Variants in DDHD1 observed in about 807,000 individuals in gnomAD.
The protein encoded by DDHD1 is phospholipase DDHD1.
DDHD1 carries 49 observed loss-of-function variants against 96.4 expected under a neutral mutation model. The ratio of observed to expected loss-of-function variants is 0.51; its 90% CI spans 0.40 to 0.64. The LOEUF is 0.64. DDHD1 is among the 30% of genes least tolerant of loss of function. DDHD1 has a pLI of 0.00. For missense variants in DDHD1, 1,106 were observed against 1,161.2 expected (o/e 0.95, Z 0.69); for synonymous variants, 442 against 446.5 (o/e 0.99, Z 0.13).
rs777812716 is a variant in DDHD1, at chr14:53,091,931, T to C, written c.1143A>G (p.Ala381=). ...TATGAAGTCTGGTACCACTACTTGA[T>C]GCTGTAGAAAAATTATAATTCTAAG... ...TVTQKLGFSK[A]SSSGTRLHRG... is the part of the protein sequence containing the mutation. Residue 381 remains alanine (A), a splice_region_variant and synonymous_variant, in exon 4 of 13, where the codon GCA becomes GCG. Transcript: ENST00000673822. 10 of 1,599,214 alleles carry C rather than the reference T, an allele frequency of 6.3e-6. No homozygotes were observed. The highest frequency in any genetic ancestry group is 8.5e-6 in the Non-Finnish European group (10 of 1,172,412).
intron 2 of DDHD1, among the ~76,000 whole-genome samples, chr14:53,095,365 G>C (rs1376909477): frequency 6.6e-6 from 1 of 152,092 alleles, no homozygotes; most frequent in East Asian, 1.9e-4. Context: ...TTAAAGATGG[G>C]CTGAAAATAA....
At chr14:53,133,670 G>C (rs1890034826) in intron 1 of DDHD1, among the ~76,000 whole-genome samples, 1 of 152,138 alleles carries the variant, frequency 6.6e-6, no homozygotes, top group African/African-American at 2.4e-5. Context: ...TTGAGCTCCT[G>C]TATGGACGCT....
intron 9 of DDHD1, among the ~76,000 whole-genome samples, chr14:53,057,926 C>T (rs759704820): frequency 1.3e-5 from 2 of 151,768 alleles, no homozygotes; most frequent in Admixed American, 6.6e-5. Flanking sequence ...CTCGGCTAAC[C>T]GCAACCTCTG....
At chr14:53,092,492 T>C (rs1192274528) in intron 3 of DDHD1, 1 of 152,208 alleles carries the variant, frequency 6.6e-6, no homozygotes, top group Non-Finnish European at 1.5e-5. Flanking sequence ...TTGATAATGC[T>C]CTCACATCTT....
intron 1 of DDHD1, among the ~76,000 whole-genome samples, chr14:53,121,258 A>G (rs142984701): frequency 0.034 from 5,109 of 152,274 alleles, 292 homozygotes; most frequent in African/African-American, 0.11. Flanking sequence ...TTAGAATAGC[A>G]ATTATTAAAA....
rs1882032331 is a variant in DDHD1, at chr14:53,046,690, A to G, written c.*78T>C. On this transcript the variant is annotated 3_prime_UTR_variant, in exon 13 of 13. Coordinates refer to ENST00000673822, the MANE Select transcript of DDHD1 (RefSeq NM_001160148.2). ...AACTGAAATATACTTTAACCCTGAA[A>G]TCTCCGTATCTTGACACACACATTT... The G allele has an allele frequency of 1.0e-6, 1 of 968,934 alleles. No homozygotes were observed. The highest frequency in any genetic ancestry group is 1.5e-6 in the Non-Finnish European group (1 of 684,970). The allele number at this position is 968,934 out of a possible 1,614,324, so 60.0% of individuals were successfully genotyped here.
At chr14:53,063,809 G>T (rs961391224) in intron 6 of DDHD1, among the ~76,000 whole-genome samples, 1 of 152,094 alleles carries the variant, frequency 6.6e-6, no homozygotes, top group African/African-American at 2.4e-5. Flanking sequence ...TGTTTTCTAT[G>T]TCTGGAAAGC....
intron 1 of DDHD1, among the ~76,000 whole-genome samples, chr14:53,136,297 G>C (rs1231409725): frequency 2.6e-5 from 4 of 152,118 alleles, no homozygotes; most frequent in African/African-American, 4.8e-5. Flanking sequence ...AACCTGTTTT[G>C]GTGGTCTCTT....
rs1224520431 is a variant in DDHD1, at chr14:53,037,639, T to C, written c.*9129A>G. On this transcript the variant is annotated 3_prime_UTR_variant, in exon 13 of 13. Transcript: ENST00000673822. Reference sequence around the variant, plus strand: ...TTATTGATTCTGGATGTCAGATCTTTGTTGGATGTCTAGTTTGCAAATATT... The same window carrying C: ...TTATTGATTCTGGATGTCAGATCTTCGTTGGATGTCTAGTTTGCAAATATT... 1 of 152,206 alleles carries C rather than the reference T, an allele frequency of 6.6e-6. No homozygotes were observed. The highest frequency in any genetic ancestry group is 2.4e-5 in the African/African-American group (1 of 41,458). 9.4% of individuals were successfully genotyped at this position (152,206 alleles called of 1,614,324 possible).
At position 53,152,686 on chromosome 14, in the gene DDHD1, C is replaced by A. The variant is rs1347924669; in HGVS notation, c.413G>T (p.Gly138Val). Residue 138 changes from glycine to valine, a missense_variant, in exon 1 of 13, where the codon GGG (glycine) becomes GTG (valine). Gly to Val is a moderately radical substitution (Grantham distance 109, BLOSUM62 -3). This residue lies in a region of DDHD1 where 456 missense variants were observed against 402.4 expected (regional missense o/e 1.13). Coordinates refer to ENST00000673822, the MANE Select transcript of DDHD1 (RefSeq NM_001160148.2). ...GGTACGTTTCCTTTCCCCGGGGGAC[C>A]CTCCTGTCGCGCCGCCGCCCCCCGA... ...TNSGGGGATG[G>V]SPGERKRTRL... 1 of 1,611,702 alleles carries A rather than the reference C, an allele frequency of 6.2e-7. No individual in the cohort carries two copies. Among genetic ancestry groups the A allele is most frequent in the Non-Finnish European group, 8.5e-7 (1 of 1,179,256 alleles).
chr14:53,086,638 G>A (rs370538174), intron 4 of DDHD1, among the ~76,000 whole-genome samples: 1 of 152,080 alleles, frequency 6.6e-6, no homozygotes, highest in East Asian at 1.9e-4. Context: ...CCTTACAAGA[G>A]CTCCTGAAGG....
chr14:53,137,572 A>C (rs1329292953), intron 1 of DDHD1, among the ~76,000 whole-genome samples: 1 of 152,102 alleles, frequency 6.6e-6, no homozygotes, highest in Non-Finnish European at 1.5e-5. Context: ...AGCCTGGGTG[A>C]CACAGTGAGA....
chr14:53,073,936 A>T (rs1359757128), intron 4 of DDHD1, 89 bp from the exon 5 acceptor site: 1 of 1,162,392 alleles, frequency 8.6e-7, no homozygotes, highest in Admixed American at 2.2e-5. Context: ...GTGTTTAATC[A>T]TAACACTTCC....
chr14:53,128,522 C>T (rs1889625711), intron 1 of DDHD1, among the ~76,000 whole-genome samples: 1 of 152,162 alleles, frequency 6.6e-6, no homozygotes. Context: ...CTTATCACTT[C>T]CCAAAGGCCC....
At chr14:53,067,723 T>C (rs367651499) in intron 6 of DDHD1, among the ~76,000 whole-genome samples, 3 of 152,166 alleles carry the variant, frequency 2.0e-5, no homozygotes, top group Non-Finnish European at 2.9e-5. Context: ...TCCCAAAGTG[T>C]TGGGATTACA....
In DDHD1 at chr14:53,121,922, T is replaced by TAAAA. The variant is rs10673927; in HGVS notation, c.839-18070_839-18067dup. On this transcript the variant is annotated intron_variant, in intron 1 of 12. Coordinates refer to ENST00000673822, the MANE Select transcript of DDHD1 (RefSeq NM_001160148.2). ...GTTCTGCGCATGTATCCCAGAACGT[T>TAAAA]AAAAAAAAAAAAAGGGCAAATGATA... 2.3e-3 allele frequency among the ~76,000 whole-genome samples: 330 copies of TAAAA among 146,228 alleles called. 2 individuals carry two copies. Among genetic ancestry groups the TAAAA allele is most frequent in the African/African-American group, 3.9e-3 (153 of 39,422 alleles).
intron 1 of DDHD1, among the ~76,000 whole-genome samples, chr14:53,107,384 A>G (rs889364669): frequency 1.3e-5 from 2 of 152,210 alleles, no homozygotes; most frequent in Non-Finnish European, 2.9e-5. Flanking sequence ...CTAATGGACC[A>G]GTGGCATAAA....
intron 1 of DDHD1, among the ~76,000 whole-genome samples, chr14:53,107,075 C>G (rs549227756): frequency 3.3e-5 from 5 of 151,992 alleles, no homozygotes; most frequent in Admixed American, 3.3e-4. Context: ...ATACAGTAGT[C>G]CCCCCTTATC....
chr14:53,146,980 T>C (rs1470946924), intron 1 of DDHD1, among the ~76,000 whole-genome samples: 1 of 151,158 alleles, frequency 6.6e-6, no homozygotes, highest in African/African-American at 2.4e-5. Context: ...TAAATTCCAC[T>C]ACACTCACGA....
Sources: allele counts gnomAD v4.1 joint callset (sites outside exome capture counted in the v4.1 genomes callset), GRCh38; gene constraint gnomAD v4.1.1; regional missense constraint gnomAD v4.1.1; transcripts MANE v1.5; gene names NCBI Gene and HGNC (gene_info 2026-07-23, HGNC 2026-07-21).